The following DGKG variants were observed in gnomAD, a reference collection of about 807,000 sequenced individuals.
The protein encoded by DGKG is DAG kinase gamma.
In DGKG, 78 loss-of-function variants were observed where a neutral mutation model predicts 105.3. That is an observed-to-expected ratio of 0.74 (90% CI 0.62 to 0.89). The LOEUF (loss-of-function observed/expected upper bound fraction) is 0.89. DGKG is among the 40% of genes least tolerant of loss of function. The pLI, the probability that DGKG is intolerant of heterozygous loss-of-function variation, is 0.00. For synonymous variants in DGKG, 346 were observed against 367.1 expected, an observed-to-expected ratio of 0.94 and a Z score of 0.66; for missense variants, 958 against 1,020.1, an observed-to-expected ratio of 0.94 and a Z score of 0.83.
chr3:186,285,282 A>T (rs1333206209), intron 6 of DGKG, among the ~76,000 whole-genome samples: 1 of 152,222 alleles, frequency 6.6e-6, no homozygotes, highest in Non-Finnish European at 1.5e-5. Context: ...CACTCAACAG[A>T]TGTTACTAAT....
Position 186,211,790 on chromosome 3 carries a change from C to A in DGKG, c.1917+5G>T. The stretch of plus-strand genomic sequence containing the variant: ...AGGAAGCCTTCTCCCCACTTGGGAA[C>A]TTACCTCCAACTCAATGTGGTCGTG... On this transcript the variant is annotated splice_donor_5th_base_variant and intron_variant, in intron 21 of 24. Coordinates refer to ENST00000265022, the MANE Select transcript of DGKG (RefSeq NM_001346.3). The A allele has an allele frequency of 6.2e-7, 1 of 1,613,328 alleles. No homozygotes were observed. Among genetic ancestry groups the A allele is most frequent in the Non-Finnish European group, 8.5e-7 (1 of 1,179,198 alleles).
chr3:186,164,889 G>C lies in DGKG; in HGVS notation c.2216+9C>G, dbSNP rs376125008. On this transcript the variant is annotated intron_variant, in intron 23 of 24. Coordinates refer to ENST00000265022, the MANE Select transcript of DGKG (RefSeq NM_001346.3). ...GATGCAGAGGCTGTTGGGTGACAAA[G>C]AGGCATACCTGATGGTGACAGAGGC... 3 of 1,608,366 alleles carry C rather than the reference G, an allele frequency of 1.9e-6. No homozygotes were observed. The highest frequency in any genetic ancestry group is 1.3e-5 in the African/African-American group (1 of 74,884).
chr3:186,268,821 A>G lies in DGKG; in HGVS notation c.1096T>C (p.Cys366Arg), dbSNP rs1560125107. The change falls in exon 12 of 25, where the codon TGC becomes CGC. Residue 366 changes from cysteine to arginine, a missense_variant. Transcript: ENST00000265022. ...KCYQSVTARH[C>R]VWCRMTFHRK... ...CCCACCGTCATCCGGCACCACACGC[A>G]GTGCCGCGCGGTGACACTCTGGTAG... 2 of 1,612,822 alleles carry G rather than the reference A, an allele frequency of 1.2e-6. No homozygotes were observed. The highest frequency in any genetic ancestry group is 1.1e-5 in the South Asian group (1 of 91,048).
intron 20 of DGKG, among the ~76,000 whole-genome samples, chr3:186,221,288 T>C (rs1719566206): frequency 6.6e-6 from 1 of 152,198 alleles, no homozygotes; most frequent in African/African-American, 2.4e-5. Context: ...CAGGGTGTTT[T>C]TCCAGTTAGT....
chr3:186,304,192 C>T (rs983203132), intron 3 of DGKG, among the ~76,000 whole-genome samples: 1 of 152,226 alleles, frequency 6.6e-6, no homozygotes, highest in African/African-American at 2.4e-5. Context: ...AGCCCCAGGG[C>T]GGACAAGCTG....
At chr3:186,351,801 G>A (rs966295518) in intron 1 of DGKG, among the ~76,000 whole-genome samples, 2 of 152,232 alleles carry the variant, frequency 1.3e-5, no homozygotes, top group African/African-American at 4.8e-5. Flanking sequence ...ACCATGACTG[G>A]TGCAGATCCA....
At position 186,247,559 on chromosome 3, in the gene DGKG, T is replaced by C. The variant is rs181733028; in HGVS notation, c.1761+4200A>G. Among the ~76,000 whole-genome samples, 139 of 152,286 alleles carry C rather than the reference T, an allele frequency of 9.1e-4. 1 individual carries two copies. Among genetic ancestry groups the C allele is most frequent in the African/African-American group, 3.1e-3 (129 of 41,550 alleles). ...TACTTCTCTTACAAAGTTTGGGAAG[T>C]CAAATAGGGAGCAAGACCTTCTGCA... On this transcript the variant is annotated intron_variant, in intron 19 of 24. Coordinates refer to ENST00000265022, the MANE Select transcript of DGKG (RefSeq NM_001346.3).
intron 24 of DGKG, among the ~76,000 whole-genome samples, chr3:186,152,971 T>A (rs975665905): frequency 6.6e-6 from 1 of 151,214 alleles, no homozygotes; most frequent in African/African-American, 2.4e-5. Context: ...CTTTTTTTTT[T>A]TTTTTTTTTT....
chr3:186,196,424 C>T lies in DGKG; in HGVS notation c.1918-8045G>A, dbSNP rs375478187. ...AAAGTTCTGGGATTACAGGCATGAG[C>T]CACTGCGCCCAGCCTTTTTCTCTTC... On this transcript the variant is annotated intron_variant, in intron 21 of 24. Coordinates refer to ENST00000265022, the MANE Select transcript of DGKG (RefSeq NM_001346.3). Among the ~76,000 whole-genome samples the T allele has an allele frequency of 3.9e-5, 6 of 152,320 alleles. No homozygotes were observed. The East Asian group carries it at 1.2e-3, about 29-fold the overall frequency.
intron 2 of DGKG, among the ~76,000 whole-genome samples, chr3:186,317,809 A>T (rs2108637447): frequency 6.6e-6 from 1 of 152,222 alleles, no homozygotes; most frequent in African/African-American, 2.4e-5. Context: ...TGAGGCAGTG[A>T]TCTCTTTGAG....
intron 21 of DGKG, among the ~76,000 whole-genome samples, chr3:186,200,054 A>G (rs2108510134): frequency 6.6e-6 from 1 of 152,192 alleles, no homozygotes; most frequent in East Asian, 1.9e-4. Flanking sequence ...CAGGAATTTG[A>G]TTTTTCATTT....
intron 1 of DGKG, among the ~76,000 whole-genome samples, chr3:186,356,784 C>A (rs1487799285): frequency 2.6e-5 from 4 of 152,120 alleles, no homozygotes; most frequent in African/African-American, 7.2e-5. Flanking sequence ...CCAAGTTACC[C>A]CATTAATAGG....
chr3:186,293,764 C>T (rs9860034), intron 5 of DGKG, among the ~76,000 whole-genome samples: 4,391 of 152,248 alleles, frequency 0.029, 219 homozygotes, highest in African/African-American at 0.099. Context: ...CAGGAAAAGG[C>T]TGGTCTTTTC....
chr3:186,273,009 C>G (rs114147100), intron 10 of DGKG, among the ~76,000 whole-genome samples: 1 of 152,098 alleles, frequency 6.6e-6, no homozygotes, highest in African/African-American at 2.4e-5. Context: ...TGTAAGCCAC[C>G]GCACCTGGCC....
At chr3:186,211,688 G>C in intron 21 of DGKG, 107 bp downstream of exon 21, 1 of 802,210 alleles carries the variant, frequency 1.2e-6, no homozygotes, top group Non-Finnish European at 2.2e-6. Context: ...CAGAGACTAC[G>C]CTCTGGGTCA....
rs545385111 is a variant in DGKG, at chr3:186,235,724, T to C, written c.1826+6780A>G. On this transcript the variant is annotated intron_variant, in intron 20 of 24. Transcript: ENST00000265022. ...CTGTGTGACTTGAGCTTTGTCGGTT[T>C]CTATTTTGTTCCCCACAGAACATCT... Among the ~76,000 whole-genome samples, 4 of 152,298 alleles carry C rather than the reference T, an allele frequency of 2.6e-5. No homozygotes were observed. The South Asian group carries it at 8.3e-4, about 32-fold the overall frequency.
At chr3:186,188,158 T>C (rs773320582) in intron 22 of DGKG, 44 bp downstream of exon 22, 3 of 1,606,934 alleles carry the variant, frequency 1.9e-6, no homozygotes, top group Admixed American at 3.3e-5. Context: ...GGGCACCTAC[T>C]ACTGGGCATT....
chr3:186,347,149 C>T (rs1726375531), intron 1 of DGKG, among the ~76,000 whole-genome samples: 1 of 151,904 alleles, frequency 6.6e-6, no homozygotes, highest in African/African-American at 2.4e-5. Context: ...GGTTCTTTGT[C>T]TTTTAATAGA....
chr3:186,241,236 CTT>C (rs1237470598), intron 20 of DGKG, among the ~76,000 whole-genome samples: 1 of 152,060 alleles, frequency 6.6e-6, no homozygotes, highest in Non-Finnish European at 1.5e-5. Flanking sequence ...GGGTCCTGGG[CTT>C]TAAATGAATG....
Sources: allele counts gnomAD v4.1 joint callset (sites outside exome capture counted in the v4.1 genomes callset), GRCh38; gene constraint gnomAD v4.1.1; transcripts MANE v1.5; gene names NCBI Gene and HGNC (gene_info 2026-07-23, HGNC 2026-07-21).